SDK2: variants seen among roughly 807,000 people sequenced by gnomAD.
The protein encoded by SDK2 is protein sidekick-2.
A neutral mutation model predicts 253.9 loss-of-function variants in SDK2; 105 were observed. The ratio of observed to expected loss-of-function variants is 0.41; its 90% CI spans 0.35 to 0.49. The LOEUF is 0.49. Ranked by LOEUF, SDK2 falls within the 20% of genes least tolerant of loss-of-function variation. The pLI is 0.06. For missense variants in SDK2, 2,608 were observed against 3,003.0 expected (o/e 0.87, Z 3.07); for synonymous variants, 1,249 against 1,234.9 (o/e 1.01, Z -0.24).
At chr17:73,566,785 A>C (rs1160691278) in intron 1 of SDK2, among the ~76,000 whole-genome samples, 1 of 152,126 alleles carries the variant, frequency 6.6e-6, no homozygotes, top group East Asian at 1.9e-4. Context: ...CTAAACGACA[A>C]AGCACTCAAA....
chr17:73,536,289 C>T (rs1028432151), intron 1 of SDK2, among the ~76,000 whole-genome samples: 1 of 152,224 alleles, frequency 6.6e-6, no homozygotes, highest in Non-Finnish European at 1.5e-5. Flanking sequence ...AAGCAGGTCA[C>T]TGGGATCCAG....
chr17:73,454,491 C>G (rs1232322499), intron 4 of SDK2, among the ~76,000 whole-genome samples: 2 of 152,222 alleles, frequency 1.3e-5, no homozygotes, highest in African/African-American at 4.8e-5. Flanking sequence ...AACCCAGCAC[C>G]TCACCGGGTT....
chr17:73,483,712 T>A (rs1271546341), intron 2 of SDK2, among the ~76,000 whole-genome samples: 10 of 121,154 alleles, frequency 8.3e-5, no homozygotes, highest in African/African-American at 2.7e-4. Context: ...TATATATTTT[T>A]TTTTTTTTTT....
intron 4 of SDK2, among the ~76,000 whole-genome samples, chr17:73,449,393 G>A (rs2063475710): frequency 6.6e-6 from 1 of 152,246 alleles, no homozygotes; most frequent in Middle Eastern, 3.4e-3. Flanking sequence ...ATGTTACAGA[G>A]TTTTAAACAG....
intron 1 of SDK2, among the ~76,000 whole-genome samples, chr17:73,553,307 C>A (rs989226250): frequency 2.6e-5 from 4 of 152,332 alleles, no homozygotes; most frequent in East Asian, 1.9e-4. Flanking sequence ...ACCATTCTCA[C>A]TGTCAAGGGC....
At chr17:73,391,631 G>T in intron 27 of SDK2, 93 bp from the exon 28 acceptor site, 1 of 536,492 alleles carries the variant, frequency 1.9e-6, no homozygotes, top group Non-Finnish European at 3.0e-6. Flanking sequence ...GCAGGGTGGA[G>T]GGGGAAGGGG....
At chr17:73,516,060 C>A (rs2064024104) in intron 1 of SDK2, among the ~76,000 whole-genome samples, 1 of 152,176 alleles carries the variant, frequency 6.6e-6, no homozygotes, top group Non-Finnish European at 1.5e-5. Context: ...TTCTCAGAAC[C>A]ATTCCCCTAA....
intron 44 of SDK2, among the ~76,000 whole-genome samples, chr17:73,343,325 G>A (rs1313070322): frequency 6.6e-6 from 1 of 152,248 alleles, no homozygotes; most frequent in African/African-American, 2.4e-5. Context: ...CCCCCGCTCC[G>A]CCTTCCAAAG....
intron 1 of SDK2, among the ~76,000 whole-genome samples, chr17:73,532,611 A>G (rs1295405917): frequency 6.6e-6 from 1 of 152,220 alleles, no homozygotes; most frequent in Admixed American, 6.5e-5. Flanking sequence ...AGACAATGAA[A>G]TCGCCCTTCT....
At chr17:73,460,673 C>T (rs573512436) in intron 3 of SDK2, among the ~76,000 whole-genome samples, 1 of 152,174 alleles carries the variant, frequency 6.6e-6, no homozygotes, top group Non-Finnish European at 1.5e-5. Context: ...TGAGCACTTA[C>T]CCTGCCAAGA....
chr17:73,537,354 C>T (rs1384453640), intron 1 of SDK2, among the ~76,000 whole-genome samples: 1 of 152,130 alleles, frequency 6.6e-6, no homozygotes. Context: ...GCTTTGGGGC[C>T]TTCAGAACTC....
At chr17:73,444,496 C>T (rs1292946939) in intron 5 of SDK2, among the ~76,000 whole-genome samples, 1 of 152,202 alleles carries the variant, frequency 6.6e-6, no homozygotes, top group Non-Finnish European at 1.5e-5. Flanking sequence ...GTGTACGGGG[C>T]TCCCCACACG....
chr17:73,451,767 CT>C (rs534708193), intron 4 of SDK2, among the ~76,000 whole-genome samples: 1 of 152,300 alleles, frequency 6.6e-6, no homozygotes, highest in African/African-American at 2.4e-5. Context: ...GAATGTCCAT[CT>C]CGTTGATAGA....
intron 1 of SDK2, among the ~76,000 whole-genome samples, chr17:73,510,358 A>G (rs2063970549): frequency 6.6e-6 from 1 of 152,032 alleles, no homozygotes; most frequent in Admixed American, 6.5e-5. Context: ...CTTTTCCTTG[A>G]ACTCCCACCC....
At chr17:73,430,435 G>A in intron 12 of SDK2, 76 bp downstream of exon 12, 1 of 1,126,504 alleles carries the variant, frequency 8.9e-7, no homozygotes, top group Non-Finnish European at 1.3e-6. Context: ...CCCTAATGTG[G>A]ACACTCGCCC....
At chr17:73,527,003 G>C (rs987382623) in intron 1 of SDK2, among the ~76,000 whole-genome samples, 18 of 152,212 alleles carry the variant, frequency 1.2e-4, no homozygotes, top group African/African-American at 4.3e-4. Flanking sequence ...GCCTTCACAA[G>C]CTGGCCTGAG....
At chr17:73,456,118 C>T in intron 3 of SDK2, 65 bp from the exon 4 acceptor site, 2 of 1,417,342 alleles carry the variant, frequency 1.4e-6, no homozygotes, top group Non-Finnish European at 1.8e-6. Flanking sequence ...TGCCCAGCTC[C>T]CAGGTTGGGA....
At chr17:73,461,989 T>TGCATGTGTGCAC (rs2063565692) in intron 3 of SDK2, among the ~76,000 whole-genome samples, 1 of 152,068 alleles carries the variant, frequency 6.6e-6, no homozygotes. Context: ...CATGTATGCA[T>TGCATGTGTGCAC]GTGTCATGGG....
At position 73,348,731 on chromosome 17, in the gene SDK2, G is replaced by A. The variant is rs1004352176; in HGVS notation, c.6039-6C>T. The A allele has an allele frequency of 1.2e-6, 2 of 1,603,154 alleles. No homozygotes were observed. The highest frequency in any genetic ancestry group is 2.7e-5 in the African/African-American group (2 of 74,948). ...GGCTGGGCCTGGGGGGAGACCTGGA[G>A]AGAGCGGGGGAGTGGGGCCGAGAGG... is the stretch of plus-strand genomic sequence containing the variant. On this transcript the variant is annotated splice_region_variant and splice_polypyrimidine_tract_variant and intron_variant, in intron 43 of 44. Transcript: ENST00000392650.
Sources: gnomAD v4.1 joint callset for allele counts (sites outside exome capture counted in the v4.1 genomes callset) on GRCh38, gnomAD v4.1.1 for gene constraint, MANE v1.5 for transcripts, NCBI Gene and HGNC (gene_info 2026-07-23, HGNC 2026-07-21) for gene names.